Variants in KALRN observed in about 807,000 individuals in gnomAD.
KALRN encodes kalirin.
A neutral mutation model predicts 353.7 loss-of-function variants in KALRN; 70 were observed. That is an observed-to-expected ratio of 0.20 (90% CI 0.16 to 0.24). The LOEUF (loss-of-function observed/expected upper bound fraction) is 0.24. KALRN is among the 10% of genes least tolerant of loss of function. KALRN has a pLI of 1.00. For synonymous variants in KALRN, 1,391 were observed against 1,434.8 expected, an observed-to-expected ratio of 0.97 and a Z score of 0.69; for missense variants, 2,791 against 3,756.7, an observed-to-expected ratio of 0.74 and a Z score of 6.72.
At chr3:124,670,607 T>C (rs1160652899) in intron 47 of KALRN, among the ~76,000 whole-genome samples, 1 of 152,186 alleles carries the variant, frequency 6.6e-6, no homozygotes, top group African/African-American at 2.4e-5. Context: ...TATGTACCTA[T>C]CACAGTAGAA....
intron 14 of KALRN, among the ~76,000 whole-genome samples, chr3:124,418,394 G>A (rs921122618): frequency 6.6e-5 from 10 of 152,072 alleles, no homozygotes; most frequent in Non-Finnish European, 1.3e-4. Context: ...TGATTTTAAG[G>A]TACAACCAGG....
chr3:124,493,459 C>T (rs2063382811), intron 32 of KALRN, among the ~76,000 whole-genome samples: 3 of 152,174 alleles, frequency 2.0e-5, no homozygotes, highest in African/African-American at 7.2e-5. Context: ...CCTCTAAACC[C>T]ATGGATGACT....
In KALRN at chr3:124,251,783, C is replaced by A. The variant is rs184780607; in HGVS notation, c.264-12715C>A. The stretch of plus-strand genomic sequence containing the variant: ...TGATTTTAGGCCTCTGGACCTGTCA[C>A]TTTATGGCTATACCTGGGAATGTTG... On this transcript the variant is annotated intron_variant, in intron 3 of 59. Coordinates refer to ENST00000682506, the MANE Select transcript of KALRN (RefSeq NM_001388419.1). Among the ~76,000 whole-genome samples, 3 of 152,276 alleles carry A rather than the reference C, an allele frequency of 2.0e-5. No homozygotes were observed. The East Asian group carries it at 5.8e-4, about 29-fold the overall frequency.
At chr3:124,483,303 C>A (rs1186831557) in intron 28 of KALRN, among the ~76,000 whole-genome samples, 1 of 152,190 alleles carries the variant, frequency 6.6e-6, no homozygotes, top group Non-Finnish European at 1.5e-5. Flanking sequence ...ATAATCCCAG[C>A]ACTTTGGGAG....
intron 34 of KALRN, among the ~76,000 whole-genome samples, chr3:124,605,585 AAAGAG>A (rs1405944795): frequency 1.4e-4 from 17 of 122,312 alleles, no homozygotes; most frequent in African/African-American, 4.9e-4. Context: ...AAAAAAAAAA[AAAGAG>A]AGAGAGAGAA....
intron 1 of KALRN, among the ~76,000 whole-genome samples, chr3:124,188,839 T>A (rs1449635395): frequency 6.6e-6 from 1 of 152,168 alleles, no homozygotes; most frequent in Non-Finnish European, 1.5e-5. Context: ...TTTAGCATAT[T>A]TGTATTCGTA....
chr3:124,577,110 G>C (rs879656225), intron 34 of KALRN, among the ~76,000 whole-genome samples: 6 of 152,092 alleles, frequency 3.9e-5, no homozygotes, highest in Admixed American at 3.3e-4. Flanking sequence ...GAAGAGGAAT[G>C]TTGGCCATTC....
chr3:124,111,553 G>C (rs915639050), intron 1 of KALRN, among the ~76,000 whole-genome samples: 5 of 152,218 alleles, frequency 3.3e-5, no homozygotes, highest in African/African-American at 9.6e-5. Flanking sequence ...TGGCCACTGG[G>C]TAGGCAACCA....
At chr3:124,553,170 A>G (rs7631091) in intron 33 of KALRN, among the ~76,000 whole-genome samples, 17,598 of 152,270 alleles carry the variant, frequency 0.12, 1,673 homozygotes, top group African/African-American at 0.26. Flanking sequence ...TATAACATCT[A>G]TTAAGCATGT....
chr3:124,421,518 G>A (rs2092781438), intron 14 of KALRN, among the ~76,000 whole-genome samples: 1 of 152,216 alleles, frequency 6.6e-6, no homozygotes, highest in South Asian at 2.1e-4. Context: ...AGCTTATGAG[G>A]TAGGTAGGTA....
chr3:124,237,366 C>CTTTTTTTT (rs551869197), intron 3 of KALRN, among the ~76,000 whole-genome samples: 8,598 of 134,730 alleles, frequency 0.064, 953 homozygotes, highest in East Asian at 0.57. Flanking sequence ...TCATTTGATG[C>CTTTTTTTT]TTTTTTTTTT....
At chr3:124,685,004 C>T (rs939771137) in intron 51 of KALRN, among the ~76,000 whole-genome samples, 5 of 152,118 alleles carry the variant, frequency 3.3e-5, no homozygotes, top group East Asian at 1.9e-4. Flanking sequence ...CAAAATAACC[C>T]GGCCAGACGG....
chr3:124,508,208 A>C (rs1010423123), intron 33 of KALRN, among the ~76,000 whole-genome samples: 1 of 152,242 alleles, frequency 6.6e-6, no homozygotes, highest in Non-Finnish European at 1.5e-5. Flanking sequence ...ATAATTATGA[A>C]GTGAACATAG....
intron 1 of KALRN, among the ~76,000 whole-genome samples, chr3:124,126,045 C>T (rs562331528): frequency 2.4e-4 from 36 of 152,226 alleles, no homozygotes; most frequent in African/African-American, 8.7e-4. Context: ...CTCTAGGTTG[C>T]CTTTTAGGAA....
At chr3:124,493,032 T>G in intron 32 of KALRN, 150 bp downstream of exon 32, 1 of 768,700 alleles carries the variant, frequency 1.3e-6, no homozygotes, top group Non-Finnish European at 2.1e-6. Context: ...AGTCATCTGA[T>G]CTTTAAGCAT....
At chr3:124,461,050 A>T (rs2059810977) in intron 23 of KALRN, among the ~76,000 whole-genome samples, 1 of 152,248 alleles carries the variant, frequency 6.6e-6, no homozygotes, top group South Asian at 2.1e-4. Context: ...CTGAGAGGAT[A>T]ATCTAGGTCA....
intron 1 of KALRN, among the ~76,000 whole-genome samples, chr3:124,127,344 A>G (rs1349511101): frequency 1.3e-5 from 2 of 152,144 alleles, no homozygotes; most frequent in Non-Finnish European, 2.9e-5. Context: ...CCTGAGACCA[A>G]TTATACTGTC....
intron 5 of KALRN, among the ~76,000 whole-genome samples, chr3:124,278,892 T>C (rs1442904711): frequency 6.6e-6 from 1 of 152,150 alleles, no homozygotes; most frequent in Non-Finnish European, 1.5e-5. Context: ...TCCCAAGGTT[T>C]CTTTCTAGGC....
chr3:124,134,878 A>G (rs537422327), intron 1 of KALRN, among the ~76,000 whole-genome samples: 1 of 152,314 alleles, frequency 6.6e-6, no homozygotes, highest in Admixed American at 6.5e-5. Context: ...AAAAAACAGT[A>G]GACATTGGCG....
Sources: allele counts gnomAD v4.1 joint callset (sites outside exome capture counted in the v4.1 genomes callset), GRCh38; gene constraint gnomAD v4.1.1; transcripts MANE v1.5; gene names NCBI Gene and HGNC (gene_info 2026-07-23, HGNC 2026-07-21).